The following AGGF1 variants were observed in gnomAD, a reference collection of about 807,000 sequenced individuals.
AGGF1 encodes angiogenic factor with G-patch and FHA domains 1.
In AGGF1, 56 loss-of-function variants were observed where a neutral mutation model predicts 86.5. The observed-to-expected ratio is 0.65, with a 90% CI of 0.52 to 0.81. AGGF1 has a LOEUF of 0.81. Among genes scored for constraint, AGGF1 ranks in the 30% least tolerant of loss-of-function variants. The pLI is 0.00. For missense variants in AGGF1, 816 were observed against 850.9 expected (o/e 0.96, Z 0.51); for synonymous variants, 313 against 297.1 (o/e 1.05, Z -0.55).
Position 77,052,760 on chromosome 5 carries a change from C to T in AGGF1, c.1420C>T (p.Gln474Ter), listed in dbSNP as rs1747396526. ...CTTACAAAGTTATGTCCTTGTGGAT[C>T]AAGGCAGTCAAAATGGCACAATTGT... ...HDLQSYVLVD[Q>*]GSQNGTIVNG... Residue 474 changes from glutamine to a stop codon, truncating the protein, a stop_gained, in exon 9 of 14, where the codon CAA (glutamine) becomes TAA (stop). Coordinates refer to ENST00000312916, the MANE Select transcript of AGGF1 (RefSeq NM_018046.5). LOFTEE classifies it high-confidence loss of function. The T allele has an allele frequency of 6.2e-7, 1 of 1,613,674 alleles. No individual in the cohort carries two copies. Among genetic ancestry groups the T allele is most frequent in the African/African-American group, 1.3e-5 (1 of 74,906 alleles).
Position 77,034,312 on chromosome 5 carries a change from C to T in AGGF1, c.211-106C>T, listed in dbSNP as rs1746923467. 5.3e-6 allele frequency: 4 copies of T among 754,224 alleles called. No individual in the cohort carries two copies. The South Asian group carries it at 6.5e-5, about 12-fold the overall frequency. 46.7% of individuals were successfully genotyped at this position (754,224 alleles called of 1,614,324 possible). On this transcript the variant is annotated intron_variant, in intron 1 of 13. Transcript: ENST00000312916. The stretch of plus-strand genomic sequence containing the variant: ...GCTTTTCTGAAAGGGAAACTTGCTG[C>T]TCTTGACATTTCTCTAAAACAATTA...
Position 77,044,024 on chromosome 5 carries a change from C to T in AGGF1, c.871-2323C>T, listed in dbSNP as rs570232616. On this transcript the variant is annotated intron_variant, in intron 5 of 13. Coordinates refer to ENST00000312916, the MANE Select transcript of AGGF1 (RefSeq NM_018046.5). ...GCTCCTCACTTCCTAGATGTGATGG[C>T]GGCTGGGAAGAGACGCTCCTCACTT... Among the ~76,000 whole-genome samples, 20 of 116,696 alleles carry T rather than the reference C, an allele frequency of 1.7e-4. No homozygotes were observed. In the South Asian group the frequency reaches 2.8e-3, roughly 16 times the overall value. 76.6% of individuals were successfully genotyped at this position (116,696 alleles called of 152,430 possible).
chr5:77,044,203 C>G (rs958697278), intron 5 of AGGF1, among the ~76,000 whole-genome samples: 1 of 150,246 alleles, frequency 6.7e-6, no homozygotes, highest in Non-Finnish European at 1.5e-5. Context: ...GCTGCAATCT[C>G]GGCACTTTGG....
chr5:77,055,371 A>G (rs905536803), intron 10 of AGGF1, 143 bp from the exon 11 acceptor site: 2 of 618,918 alleles, frequency 3.2e-6, no homozygotes, highest in South Asian at 1.9e-5. Flanking sequence ...ACAACCCAAT[A>G]TCCTTTATAT....
At chr5:77,037,490 A>G (rs924420709) in intron 4 of AGGF1, among the ~76,000 whole-genome samples, 2 of 152,182 alleles carry the variant, frequency 1.3e-5, no homozygotes, top group Non-Finnish European at 2.9e-5. Context: ...TTAAACATTC[A>G]GTCTGTTGGC....
intron 6 of AGGF1, among the ~76,000 whole-genome samples, chr5:77,047,771 GC>G (rs1561288185): frequency 1.3e-5 from 2 of 150,198 alleles, no homozygotes; most frequent in Admixed American, 6.7e-5. Context: ...GCCTGCGTCG[GC>G]CCCCCAAAGT....
intron 8 of AGGF1, among the ~76,000 whole-genome samples, chr5:77,052,182 G>A (rs1288439561): frequency 2.0e-5 from 3 of 151,926 alleles, no homozygotes; most frequent in African/African-American, 4.8e-5. Flanking sequence ...GTGAAACCCT[G>A]TCTCTACAAA....
chr5:77,047,658 C>T lies in AGGF1; in HGVS notation c.1202-503C>T, dbSNP rs78817844. On this transcript the variant is annotated intron_variant, in intron 6 of 13. Coordinates refer to ENST00000312916, the MANE Select transcript of AGGF1 (RefSeq NM_018046.5). ...CCTCCCAAGTTGCTGGGACTACAGG[C>T]GCATGTCACCACGCACACCCAGCTA... Among the ~76,000 whole-genome samples, 17 of 152,094 alleles carry T rather than the reference C, an allele frequency of 1.1e-4. No homozygotes were observed. The East Asian group carries it at 2.9e-3, about 26-fold the overall frequency.
intron 2 of AGGF1, 97 bp from the exon 3 acceptor site, chr5:77,035,444 G>A (rs1746946738): frequency 1.2e-6 from 1 of 867,750 alleles, no homozygotes; most frequent in Admixed American, 2.4e-5. Context: ...TTTGAAGTAT[G>A]TGCTTTTTGT....
intron 4 of AGGF1, among the ~76,000 whole-genome samples, chr5:77,038,584 A>G (rs1451624064): frequency 6.6e-6 from 1 of 152,198 alleles, no homozygotes; most frequent in Non-Finnish European, 1.5e-5. Flanking sequence ...TCAGTTTCTT[A>G]GTTAAGAGAA....
intron 5 of AGGF1, among the ~76,000 whole-genome samples, chr5:77,043,460 G>C (rs1246974128): frequency 3.5e-4 from 37 of 105,422 alleles, no homozygotes; most frequent in South Asian, 6.8e-4. Context: ...TCACCTCCCA[G>C]ACGGGGCGGT....
Position 77,057,893 on chromosome 5 carries a change from C to T in AGGF1, c.1717-1723C>T, listed in dbSNP as rs1478011805. Among the ~76,000 whole-genome samples the T allele has an allele frequency of 2.0e-5, 3 of 152,204 alleles. No homozygotes were observed. The East Asian group carries it at 5.8e-4, about 29-fold the overall frequency. On this transcript the variant is annotated intron_variant, in intron 11 of 13. Coordinates refer to ENST00000312916, the MANE Select transcript of AGGF1 (RefSeq NM_018046.5). ...TCCTTACCTCAGGATGTTGCATTCC[C>T]AGCACATTCTGGTTGGTGTTGAGAA...
At chr5:77,046,200 A>G in intron 5 of AGGF1, 147 bp from the exon 6 acceptor site, 1 of 769,976 alleles carries the variant, frequency 1.3e-6, no homozygotes, top group Non-Finnish European at 2.3e-6. Flanking sequence ...AGGAAATGTG[A>G]GAAGGAGAGG....
At position 77,054,060 on chromosome 5, in the gene AGGF1, T is replaced by G; in HGVS notation, c.1563T>G (p.Asp521Glu). Residue 521 changes from aspartate to glutamate, a missense_variant, in exon 10 of 14, where the codon GAT becomes GAG. Physicochemically the swap from Asp to Glu is conservative, Grantham distance 45. Around this residue, in one of 3 missense-constraint regions of AGGF1, gnomAD observed 565 missense variants for 585.8 expected, o/e 0.96. Coordinates refer to ENST00000312916, the MANE Select transcript of AGGF1 (RefSeq NM_018046.5). ...CCTTTCACATTCATCCTGGCAGTGA[T>G]ACCTGTGATGGCTGTGAACCAGGGC... ...VLSFHIHPGSDTCDGCEPGQV... is the reference protein window; with the variant it reads ...VLSFHIHPGSETCDGCEPGQV... 6.2e-7 allele frequency: 1 copy of G among 1,614,198 alleles called. No individual in the cohort carries two copies. The highest frequency in any genetic ancestry group is 8.5e-7 in the Non-Finnish European group (1 of 1,180,022).
intron 8 of AGGF1, among the ~76,000 whole-genome samples, chr5:77,050,512 AAACT>A (rs1747353502): frequency 6.6e-6 from 1 of 151,520 alleles, no homozygotes; most frequent in Non-Finnish European, 1.5e-5. Flanking sequence ...TCTTTCATTT[AAACT>A]AACATCCGCT....
rs772382131 is a variant in AGGF1, at chr5:77,030,722, G to T, written c.-45G>T. On this transcript the variant is annotated 5_prime_UTR_variant, in exon 1 of 14. An upstream open reading frame in the 5' UTR loses its in-frame stop. Coordinates refer to ENST00000312916, the MANE Select transcript of AGGF1 (RefSeq NM_018046.5). ...GGTCCGCCGGCGTCCGTTTCGGCCT[G>T]AACGCAGCCCCTCCGCGGCGACGAG... is the stretch of plus-strand genomic sequence containing the variant. The T allele has an allele frequency of 1.9e-6, 3 of 1,542,864 alleles. No individual in the cohort carries two copies. The highest frequency in any genetic ancestry group is 1.2e-5 in the South Asian group (1 of 84,746).
At chr5:77,032,265 A>AAAAAAC (rs1746875529) in intron 1 of AGGF1, among the ~76,000 whole-genome samples, 1 of 150,250 alleles carries the variant, frequency 6.7e-6, no homozygotes, top group Non-Finnish European at 1.5e-5. Context: ...AAAAAAAAAA[A>AAAAAAC]AAAAAAAAAC....
rs139690544 is a variant in AGGF1, at chr5:77,031,277, A to G, written c.210+301A>G. On this transcript the variant is annotated intron_variant, in intron 1 of 13. Coordinates refer to ENST00000312916, the MANE Select transcript of AGGF1 (RefSeq NM_018046.5). ...TTGGCAGTAGGCGCATTTACTGTAGATCACATTTGAGTTTATTAAAATGCT... is the reference window on the plus strand; with the variant it reads ...TTGGCAGTAGGCGCATTTACTGTAGGTCACATTTGAGTTTATTAAAATGCT... Among the ~76,000 whole-genome samples, 717 of 152,308 alleles carry G rather than the reference A, an allele frequency of 4.7e-3. 3 individuals carry two copies. The highest frequency in any genetic ancestry group is 0.015 in the African/African-American group (630 of 41,570).
intron 5 of AGGF1, among the ~76,000 whole-genome samples, chr5:77,040,521 C>T (rs553284047): frequency 3.3e-5 from 5 of 151,348 alleles, no homozygotes; most frequent in East Asian, 1.9e-4. Context: ...GTTAAGAAAG[C>T]GATAGTTACA....
Sources: allele counts gnomAD v4.1 joint callset (sites outside exome capture counted in the v4.1 genomes callset), GRCh38; gene constraint gnomAD v4.1.1; regional missense constraint gnomAD v4.1.1; transcripts MANE v1.5; gene names NCBI Gene and HGNC (gene_info 2026-07-23, HGNC 2026-07-21).